The following TFDP2 variants were observed in gnomAD, a reference collection of about 807,000 sequenced individuals.
TFDP2 encodes transcription factor Dp-2, also known as transcription factor Dp-2 (E2F dimerization partner 2).
TFDP2 carries 17 observed loss-of-function variants against 59.3 expected under a neutral mutation model. The observed-to-expected ratio is 0.29, with a 90% CI of 0.20 to 0.43. The LOEUF (loss-of-function observed/expected upper bound fraction) is 0.43. Among genes scored for constraint, TFDP2 ranks in the 20% least tolerant of loss-of-function variants. The pLI, the probability that TFDP2 is intolerant of heterozygous loss-of-function variation, is 1.00. For synonymous variants in TFDP2, 180 were observed against 194.7 expected, an observed-to-expected ratio of 0.92 and a Z score of 0.63; for missense variants, 391 against 528.8, an observed-to-expected ratio of 0.74 and a Z score of 2.56.
At chr3:142,116,333 G>A (rs572333926) in intron 1 of TFDP2, among the ~76,000 whole-genome samples, 10 of 152,274 alleles carry the variant, frequency 6.6e-5, no homozygotes, top group African/African-American at 2.4e-4. Context: ...CCAAAGTGCT[G>A]GGATCACAGG....
chr3:142,001,828 A>T (rs1325067825), intron 4 of TFDP2, among the ~76,000 whole-genome samples: 7 of 152,056 alleles, frequency 4.6e-5, no homozygotes, highest in Non-Finnish European at 1.0e-4. Context: ...AAACAGGAAA[A>T]CAATTCAGTG....
At chr3:142,000,026 C>T (rs1253939922) in intron 4 of TFDP2, among the ~76,000 whole-genome samples, 8 of 152,242 alleles carry the variant, frequency 5.3e-5, no homozygotes, top group South Asian at 2.1e-4. Flanking sequence ...TGAGCCACCA[C>T]GCCCAGCCTA....
intron 3 of TFDP2, among the ~76,000 whole-genome samples, chr3:142,015,169 T>TG (rs777616379): frequency 1.3e-5 from 2 of 152,204 alleles, no homozygotes; most frequent in African/African-American, 2.4e-5. Context: ...TCTAAACATT[T>TG]GGGAGCCCCT....
chr3:142,052,645 G>T (rs1186634734), intron 3 of TFDP2, among the ~76,000 whole-genome samples: 1 of 151,902 alleles, frequency 6.6e-6, no homozygotes, highest in Non-Finnish European at 1.5e-5. Context: ...GCTGAGGCTG[G>T]TCTCTAACTC....
At chr3:142,111,133 G>C (rs909066251) in intron 1 of TFDP2, among the ~76,000 whole-genome samples, 1 of 151,716 alleles carries the variant, frequency 6.6e-6, no homozygotes, top group African/African-American at 2.4e-5. Flanking sequence ...AGACATAAAA[G>C]ATTCATAGAA....
rs1217230075 is a variant in TFDP2 at position 141,963,857 on chromosome 3, T to C, written c.839A>G (p.Asn280Ser). 6.2e-7 allele frequency: 1 copy of C among 1,613,702 alleles called. No individual in the cohort carries two copies. Among genetic ancestry groups the C allele is most frequent in the Admixed American group, 1.7e-5 (1 of 59,906 alleles). ...STIQLPFIII[N>S]TSRKTVIDCS... Reference sequence around the variant, plus strand: ...ATCTATGACTGTTTTTCTGCTTGTATTGATGATTATGAATGGCAGCTGAAT... The same window carrying C: ...ATCTATGACTGTTTTTCTGCTTGTACTGATGATTATGAATGGCAGCTGAAT... The change falls in exon 10 of 13, where the codon AAT becomes AGT. Residue 280 changes from asparagine (N) to serine (S), a missense_variant. This residue lies in a region of TFDP2 where 223 missense variants were observed against 292.5 expected (regional missense o/e 0.76). Transcript: ENST00000489671.
intron 3 of TFDP2, among the ~76,000 whole-genome samples, chr3:142,026,712 A>G (rs182329455): frequency 6.6e-5 from 10 of 152,326 alleles, no homozygotes; most frequent in African/African-American, 2.4e-4. Flanking sequence ...TGTAAAAGGA[A>G]AGGTTTTCAC....
chr3:141,988,101 A>G (rs1348243635), intron 6 of TFDP2, among the ~76,000 whole-genome samples: 1 of 151,916 alleles, frequency 6.6e-6, no homozygotes. Flanking sequence ...GTATACCACC[A>G]TGCCTGGCTA....
In TFDP2 at chr3:141,958,947, C is replaced by CTTT. The variant is rs984082447; in HGVS notation, c.1051+724_1051+726dup. Reference sequence around the variant, plus strand: ...ATTAGAGGGAAGTAGGATGTACCTACTTTTTTTTTTTTTTTTTTTTTTTTG... The same window carrying CTTT: ...ATTAGAGGGAAGTAGGATGTACCTACTTTTTTTTTTTTTTTTTTTTTTTTTTTG... On this transcript the variant is annotated intron_variant, in intron 11 of 12. Transcript: ENST00000489671. Among the ~76,000 whole-genome samples, 257 of 103,624 alleles carry CTTT rather than the reference C, an allele frequency of 2.5e-3. 4 individuals carry two copies. Among genetic ancestry groups the CTTT allele is most frequent in the African/African-American group, 3.3e-3 (82 of 25,066 alleles). The allele number at this position is 103,624 out of a possible 152,430, so 68.0% of individuals were successfully genotyped here.
At chr3:141,982,965 C>T (rs1941648531) in intron 6 of TFDP2, among the ~76,000 whole-genome samples, 2 of 152,184 alleles carry the variant, frequency 1.3e-5, no homozygotes, top group South Asian at 2.1e-4. Flanking sequence ...ATACACATCT[C>T]ACAAGTTGTG....
chr3:142,109,954 T>C (rs899194017), intron 1 of TFDP2, among the ~76,000 whole-genome samples: 23 of 152,112 alleles, frequency 1.5e-4, no homozygotes, highest in Non-Finnish European at 1.8e-4. Flanking sequence ...CTCAACTTAC[T>C]GTAACCTCCG....
At chr3:142,045,313 C>A (rs564487346) in intron 3 of TFDP2, among the ~76,000 whole-genome samples, 57 of 152,116 alleles carry the variant, frequency 3.7e-4, no homozygotes, top group African/African-American at 1.3e-3. Context: ...GTGCCCACCA[C>A]AACACCGGGC....
At chr3:141,958,794 A>C (rs181444515) in intron 11 of TFDP2, among the ~76,000 whole-genome samples, 1 of 152,282 alleles carries the variant, frequency 6.6e-6, no homozygotes, top group East Asian at 1.9e-4. Context: ...CACAAATGTG[A>C]ATCCAGGTTT....
chr3:142,051,854 A>G (rs1259648337), intron 3 of TFDP2, among the ~76,000 whole-genome samples: 1 of 151,972 alleles, frequency 6.6e-6, no homozygotes, highest in Non-Finnish European at 1.5e-5. Context: ...GGCTGGACTT[A>G]GTGACTCATG....
intron 3 of TFDP2, among the ~76,000 whole-genome samples, chr3:142,081,027 C>A (rs1278603427): frequency 2.0e-5 from 3 of 152,180 alleles, no homozygotes; most frequent in Non-Finnish European, 4.4e-5. Context: ...AATGGCTGCA[C>A]AATACACATT....
intron 7 of TFDP2, among the ~76,000 whole-genome samples, 177 bp downstream of exon 7, chr3:141,978,343 T>C (rs1317148558): frequency 2.4e-5 from 3 of 126,640 alleles, no homozygotes; most frequent in East Asian, 4.4e-4. Flanking sequence ...AGGTTCCGCC[T>C]AAAAAACAAA....
At chr3:141,974,520 T>C (rs916524580) in intron 7 of TFDP2, among the ~76,000 whole-genome samples, 1 of 152,240 alleles carries the variant, frequency 6.6e-6, no homozygotes, top group Non-Finnish European at 1.5e-5. Context: ...CTTAGGTATG[T>C]AGGATAGAAT....
chr3:142,131,959 T>TCA (rs2062522776), intron 1 of TFDP2, among the ~76,000 whole-genome samples: 3 of 132,884 alleles, frequency 2.3e-5, no homozygotes, highest in African/African-American at 3.1e-5. Context: ...TGAGCCAAAA[T>TCA]CGCTTCATTG....
At chr3:142,129,545 A>G (rs1327369608) in intron 1 of TFDP2, among the ~76,000 whole-genome samples, 1 of 152,164 alleles carries the variant, frequency 6.6e-6, no homozygotes, top group Non-Finnish European at 1.5e-5. Flanking sequence ...ATATTTGCAA[A>G]TCATATATTT....
Sources: allele counts gnomAD v4.1 joint callset (sites outside exome capture counted in the v4.1 genomes callset), GRCh38; gene constraint gnomAD v4.1.1; regional missense constraint gnomAD v4.1.1; transcripts MANE v1.5; gene names NCBI Gene and HGNC (gene_info 2026-07-23, HGNC 2026-07-21).